Variants in THSD7A observed in about 807,000 individuals in gnomAD.
THSD7A encodes the protein thrombospondin type-1 domain-containing protein 7A.
THSD7A carries 96 observed loss-of-function variants against 231.3 expected under a neutral mutation model. The ratio of observed to expected loss-of-function variants is 0.41; its 90% CI spans 0.35 to 0.49. THSD7A has a LOEUF of 0.49. Ranked by LOEUF, THSD7A falls within the 20% of genes least tolerant of loss-of-function variation. The pLI is 0.05. For missense variants in THSD7A, 2,290 were observed against 2,070.2 expected (o/e 1.11, Z -2.06); for synonymous variants, 940 against 743.3 (o/e 1.26, Z -4.30).
At chr7:11,771,338 A>G (rs1008696819) in intron 1 of THSD7A, among the ~76,000 whole-genome samples, 1 of 151,928 alleles carries the variant, frequency 6.6e-6, no homozygotes, top group Non-Finnish European at 1.5e-5. Context: ...GAAAAATATA[A>G]AAACAGTTGA....
chr7:11,447,175 T>C, intron 12 of THSD7A, 55 bp downstream of exon 12: 3 of 1,531,952 alleles, frequency 2.0e-6, no homozygotes, highest in Non-Finnish European at 2.7e-6. Flanking sequence ...GTCTGACTTG[T>C]ATTATGTTCC....
Position 11,678,411 on chromosome 7 carries a change from G to GT in THSD7A, c.191-41451dup, listed in dbSNP as rs566261953. ...AAAAAATCAGTGAATACAGGAGCTGGTTTTTTTGAAAAGATTAACAAAATA... is the reference window on the plus strand; with the variant it reads ...AAAAAATCAGTGAATACAGGAGCTGGTTTTTTTTGAAAAGATTAACAAAATA... On this transcript the variant is annotated intron_variant, in intron 1 of 27. Coordinates refer to ENST00000423059, the MANE Select transcript of THSD7A (RefSeq NM_015204.3). Among the ~76,000 whole-genome samples, 19 of 152,052 alleles carry GT rather than the reference G, an allele frequency of 1.2e-4. No homozygotes were observed. The East Asian group carries it at 2.1e-3, about 17-fold the overall frequency.
chr7:11,590,420 G>A lies in THSD7A; in HGVS notation c.1453+40C>T, dbSNP rs756636524. 75 of 1,574,252 alleles carry A rather than the reference G, an allele frequency of 4.8e-5. No homozygotes were observed. The highest frequency in any genetic ancestry group is 3.4e-5 in the Non-Finnish European group (39 of 1,158,536). ...TTCAGAGCAATCACATGCTCAGTCA[G>A]TCTTCATAAGTGAATCCTTGAGAAG... is the stretch of plus-strand genomic sequence containing the variant. On this transcript the variant is annotated intron_variant, in intron 4 of 27. Transcript: ENST00000423059. The surrounding 1 kb of genome is among the most constrained non-coding windows in gnomAD (Gnocchi z 4.4).
Position 11,636,327 on chromosome 7 carries a change from C to CCTTGCTTGT in THSD7A, c.816_824dup (p.Gln273_Arg275dup), listed in dbSNP as rs1336783828. ...CCCGTTCTTTATTCTTCCCGCGTCTCCTTGCTTGTCTTACTTGTCGGGAGT... is the reference window on the plus strand; with the variant it reads ...CCCGTTCTTTATTCTTCCCGCGTCTCCTTGCTTGTCTTGCTTGTCTTACTTGTCGGGAGT... On this transcript the variant is annotated inframe_insertion, in exon 2 of 28. Coordinates refer to ENST00000423059, the MANE Select transcript of THSD7A (RefSeq NM_015204.3). This position sits in a 1 kb window ranked among gnomAD's most constrained non-coding sequence, Gnocchi z 10.0. 6.2e-7 allele frequency: 1 copy of CCTTGCTTGT among 1,613,816 alleles called. No homozygotes were observed. Among genetic ancestry groups the CCTTGCTTGT allele is most frequent in the Non-Finnish European group, 8.5e-7 (1 of 1,179,886 alleles).
chr7:11,629,539 C>G (rs1043334129), intron 2 of THSD7A, among the ~76,000 whole-genome samples: 1 of 152,098 alleles, frequency 6.6e-6, no homozygotes, highest in African/African-American at 2.4e-5. Context: ...AGGAGTGTTA[C>G]TTTAAATAGT....
intron 1 of THSD7A, among the ~76,000 whole-genome samples, chr7:11,702,448 G>A (rs754481657): frequency 4.6e-5 from 7 of 151,144 alleles, no homozygotes; most frequent in Non-Finnish European, 8.9e-5. Flanking sequence ...GTCAAGCCAG[G>A]AATAACACCT....
chr7:11,697,957 C>T (rs1780452670), intron 1 of THSD7A, among the ~76,000 whole-genome samples: 1 of 151,344 alleles, frequency 6.6e-6, no homozygotes, highest in Non-Finnish European at 1.5e-5. Flanking sequence ...ATACTTGGTT[C>T]TTCAACTATA....
At chr7:11,658,509 C>G (rs570674880) in intron 1 of THSD7A, among the ~76,000 whole-genome samples, 1 of 151,600 alleles carries the variant, frequency 6.6e-6, no homozygotes, top group Admixed American at 6.6e-5. Context: ...GTCACAATGT[C>G]TCTCTGAGGG....
chr7:11,811,415 T>A (rs1784525327), intron 1 of THSD7A, among the ~76,000 whole-genome samples: 1 of 152,172 alleles, frequency 6.6e-6, no homozygotes, highest in Non-Finnish European at 1.5e-5. Context: ...AGAGACTTTT[T>A]TACATTGGCC....
At position 11,669,683 on chromosome 7, in the gene THSD7A, TAATA is replaced by T. The variant is rs1393313835; in HGVS notation, c.191-32726_191-32723del. On this transcript the variant is annotated intron_variant, in intron 1 of 27. Transcript: ENST00000423059. ...TGGAGATTATATGAATATAAATTAT[TAATA>T]AATTAATAATTTACATAAATGAGTC... 4.2e-4 allele frequency among the ~76,000 whole-genome samples: 64 copies of T among 152,076 alleles called. 1 individual carries two copies. The highest frequency in any genetic ancestry group is 4.2e-3 in the Admixed American group (64 of 15,276).
intron 1 of THSD7A, among the ~76,000 whole-genome samples, chr7:11,739,843 A>G (rs780543000): frequency 6.6e-6 from 1 of 151,984 alleles, no homozygotes; most frequent in African/African-American, 2.4e-5. Flanking sequence ...CTTCTCTTGT[A>G]TCAGAAGTGC....
chr7:11,697,644 A>G (rs1780443748), intron 1 of THSD7A, among the ~76,000 whole-genome samples: 1 of 151,386 alleles, frequency 6.6e-6, no homozygotes, highest in South Asian at 2.1e-4. Context: ...AATCATTGAT[A>G]TTTTATAGTT....
chr7:11,523,696 T>C (rs972224983), intron 6 of THSD7A, among the ~76,000 whole-genome samples: 1 of 152,026 alleles, frequency 6.6e-6, no homozygotes, highest in African/African-American at 2.4e-5. Flanking sequence ...AACAGAAGAA[T>C]TCACAGGAAT....
chr7:11,759,170 A>G (rs1782778510), intron 1 of THSD7A, among the ~76,000 whole-genome samples: 1 of 152,220 alleles, frequency 6.6e-6, no homozygotes. Context: ...AAAAAAACAC[A>G]TTACAGTTGA....
intron 1 of THSD7A, among the ~76,000 whole-genome samples, chr7:11,661,517 T>A (rs1438502828): frequency 6.6e-6 from 1 of 150,766 alleles, no homozygotes; most frequent in Non-Finnish European, 1.5e-5. Flanking sequence ...TCAGTTTTTA[T>A]GCAAAAAAAA....
chr7:11,510,646 T>G (rs191255969), intron 6 of THSD7A, among the ~76,000 whole-genome samples: 8 of 152,126 alleles, frequency 5.3e-5, no homozygotes, highest in Non-Finnish European at 1.0e-4. Flanking sequence ...ATGTAATCCA[T>G]CATATAAAAG....
intron 2 of THSD7A, among the ~76,000 whole-genome samples, chr7:11,635,898 C>T (rs140954629): frequency 0.015 from 2,306 of 152,018 alleles, 32 homozygotes; most frequent in Non-Finnish European, 0.025. Flanking sequence ...GCTCATGCTC[C>T]AGACTTTGAA....
chr7:11,539,916 C>T (rs1789070646), intron 6 of THSD7A, among the ~76,000 whole-genome samples: 1 of 152,108 alleles, frequency 6.6e-6, no homozygotes, highest in African/African-American at 2.4e-5. Flanking sequence ...ATTATTTGAA[C>T]TGAGAAAAAC....
rs371048528 is a variant in THSD7A at position 11,416,768 on chromosome 7, C to T, written c.3537+682G>A. The stretch of plus-strand genomic sequence containing the variant: ...GCCCATGGGTAAGCCAAATGTCTTA[C>T]ATAAGCAGCCAGTTCTGTTTCAAAT... On this transcript the variant is annotated intron_variant, in intron 17 of 27. Coordinates refer to ENST00000423059, the MANE Select transcript of THSD7A (RefSeq NM_015204.3). Among the ~76,000 whole-genome samples, 190 of 152,280 alleles carry T rather than the reference C, an allele frequency of 1.2e-3. 3 individuals carry two copies. The highest frequency in any genetic ancestry group is 4.2e-3 in the African/African-American group (175 of 41,584).
Sources: allele counts gnomAD v4.1 joint callset (sites outside exome capture counted in the v4.1 genomes callset), GRCh38; gene constraint gnomAD v4.1.1; non-coding constraint Gnocchi (gnomAD v3.1); transcripts MANE v1.5; gene names NCBI Gene and HGNC (gene_info 2026-07-23, HGNC 2026-07-21).